BLTP1: variants seen among roughly 807,000 people sequenced by gnomAD.
The protein encoded by BLTP1 is fragile site-associated protein.
chr4:122,200,583 CAA>C, the BLTP1 span: 5,746 of 884,790 alleles, frequency 6.5e-3, 1 homozygote, highest in African/African-American at 6.8e-3. Flanking sequence ...CGTCTCAAAA[CAA>C]AAAAAAAAAA....
At chr4:122,298,331 T>G in the BLTP1 span, 9 of 443,380 alleles carry the variant, frequency 2.0e-5, no homozygotes, top group South Asian at 8.6e-4. Context: ...CAAGAGAAAC[T>G]AAGAACTCTC....
the BLTP1 span, chr4:122,282,002 A>T: frequency 1.0e-6 from 1 of 983,668 alleles, no homozygotes; most frequent in Non-Finnish European, 1.2e-6. Context: ...AAATTATTCA[A>T]CTATGGAGGC....
the BLTP1 span, chr4:122,267,051 A>ATTTTATTTTTTTTTTTTTT: frequency 7.2e-6 from 1 of 138,564 alleles, no homozygotes; most frequent in Non-Finnish European, 1.3e-5. Context: ...TAAGGAAGTA[A>ATTTTATTTTTTTTTTTTTT]TTTTTTTTTT....
the BLTP1 span, chr4:122,274,654 T>G: frequency 6.1e-6 from 6 of 980,176 alleles, no homozygotes; most frequent in African/African-American, 1.1e-4. Flanking sequence ...TAACTTCCAT[T>G]CAGCAGAGCA....
chr4:122,264,391 C>T, the BLTP1 span: 3 of 1,610,426 alleles, frequency 1.9e-6, no homozygotes, highest in Non-Finnish European at 2.5e-6. Context: ...AAGAAGCAAA[C>T]CAAGGGTTTC....
At chr4:122,310,128 A>T in the BLTP1 span, among the ~76,000 whole-genome samples, 1 of 152,250 alleles carries the variant, frequency 6.6e-6, no homozygotes, top group South Asian at 2.1e-4. Context: ...CTTGTAAACT[A>T]AATTACTTAC....
At chr4:122,215,797 G>GT in the BLTP1 span, among the ~76,000 whole-genome samples, 3 of 151,992 alleles carry the variant, frequency 2.0e-5, no homozygotes, top group Non-Finnish European at 4.4e-5. Flanking sequence ...CACCTGAGCA[G>GT]TGTACACTAT....
chr4:122,327,789 A>G, the BLTP1 span: 1 of 158,830 alleles, frequency 6.3e-6, no homozygotes, highest in Non-Finnish European at 1.4e-5. Context: ...TTCTGATTTA[A>G]TCATGTTTCT....
the BLTP1 span, chr4:122,170,093 T>C: frequency 1.6e-6 from 1 of 613,940 alleles, no homozygotes; most frequent in Non-Finnish European, 2.0e-6. Flanking sequence ...GATCACCTGA[T>C]GTCAGGAGTT....
chr4:122,273,422 C>T, the BLTP1 span: 1 of 984,632 alleles, frequency 1.0e-6, no homozygotes, highest in Non-Finnish European at 1.2e-6. Flanking sequence ...AATACATCAG[C>T]CTTCCCTGGA....
At chr4:122,219,588 G>C in the BLTP1 span, 1 of 1,555,710 alleles carries the variant, frequency 6.4e-7, no homozygotes. Context: ...ACACATGAAA[G>C]TAGTCTGGAA....
the BLTP1 span, chr4:122,288,996 C>T: frequency 8.3e-6 from 11 of 1,328,994 alleles, no homozygotes; most frequent in Non-Finnish European, 1.1e-5. Context: ...AGATAATTAT[C>T]TCTTTTTTCC....
chr4:122,255,729 G>A, the BLTP1 span, among the ~76,000 whole-genome samples: 1 of 152,118 alleles, frequency 6.6e-6, no homozygotes, highest in African/African-American at 2.4e-5. Flanking sequence ...CAGCATAAAG[G>A]TGTTAGTAGA....
chr4:122,177,951 C>T, the BLTP1 span: 1 of 195,750 alleles, frequency 5.1e-6, no homozygotes, highest in Non-Finnish European at 9.3e-6. Context: ...ATGAAGCAAA[C>T]TCTGTAAATG....
At chr4:122,158,052 T>G in the BLTP1 span, among the ~76,000 whole-genome samples, 1 of 152,276 alleles carries the variant, frequency 6.6e-6, no homozygotes, top group East Asian at 1.9e-4. Context: ...GCCTAAATGC[T>G]ACATAGGAAA....
At chr4:122,313,704 C>T in the BLTP1 span, 1 of 1,400,914 alleles carries the variant, frequency 7.1e-7, no homozygotes, top group Non-Finnish European at 1.0e-6. Context: ...TCACATGCAG[C>T]ATTATTTTAT....
the BLTP1 span, chr4:122,234,644 T>G: frequency 2.8e-6 from 3 of 1,054,206 alleles, no homozygotes; most frequent in Non-Finnish European, 4.0e-6. Context: ...AACCTTTGTG[T>G]TTGTGTTTAC....
At chr4:122,330,300 C>A in the BLTP1 span, among the ~76,000 whole-genome samples, 1 of 151,904 alleles carries the variant, frequency 6.6e-6, no homozygotes, top group East Asian at 1.9e-4. Context: ...GAGGAATCTC[C>A]ATACTATTTT....
At chr4:122,212,155 C>G in the BLTP1 span, 2 of 717,844 alleles carry the variant, frequency 2.8e-6, no homozygotes, top group South Asian at 1.3e-4. Context: ...GAAGTGCTGG[C>G]TGAACTGGGT....
Sources: gnomAD v4.1 joint callset for allele counts (sites outside exome capture counted in the v4.1 genomes callset) on GRCh38, gnomAD v4.1.1 for gene constraint, MANE v1.5 for transcripts, NCBI Gene and HGNC (gene_info 2026-07-23, HGNC 2026-07-21) for gene names.